RSRC1: variants seen among roughly 807,000 people sequenced by gnomAD.
The protein encoded by RSRC1 is serine/Arginine-related protein 53.
Under a neutral mutation model 49.1 loss-of-function variants are expected in RSRC1, and 39 were observed. The observed-to-expected ratio is 0.79, with a 90% CI of 0.61 to 1.04. RSRC1 has a LOEUF of 1.04. RSRC1 is among the 50% of genes least tolerant of loss of function. The pLI is 0.00. For synonymous variants in RSRC1, 143 were observed against 130.8 expected (o/e 1.09, Z -0.63); for missense variants, 388 against 402.4 (o/e 0.96, Z 0.31).
intron 4 of RSRC1, among the ~76,000 whole-genome samples, chr3:158,278,208 C>T (rs551660370): frequency 6.6e-6 from 1 of 152,338 alleles, no homozygotes; most frequent in Admixed American, 6.5e-5. Flanking sequence ...TCACTGTTGA[C>T]ACTTCTGATT....
intron 6 of RSRC1, among the ~76,000 whole-genome samples, chr3:158,388,724 C>T (rs4680432): frequency 0.22 from 33,181 of 151,860 alleles, 4,243 homozygotes; most frequent in Non-Finnish European, 0.29. Context: ...ATTCTCCTGC[C>T]GCAGCCTCCA....
chr3:158,412,527 T>G (rs193254864), intron 6 of RSRC1, among the ~76,000 whole-genome samples: 5 of 152,254 alleles, frequency 3.3e-5, no homozygotes, highest in Non-Finnish European at 5.9e-5. Flanking sequence ...CTTTTTATAT[T>G]TGTTTATGTT....
intron 6 of RSRC1, among the ~76,000 whole-genome samples, chr3:158,391,933 A>G (rs1026810901): frequency 6.6e-6 from 1 of 152,128 alleles, no homozygotes; most frequent in Admixed American, 6.6e-5. Context: ...AAGCACAGCT[A>G]GAGTGAAATA....
At chr3:158,127,104 C>T (rs1327063434) in intron 3 of RSRC1, among the ~76,000 whole-genome samples, 2 of 152,040 alleles carry the variant, frequency 1.3e-5, no homozygotes, top group African/African-American at 4.8e-5. Context: ...TCTATGTGGG[C>T]CTCTTTTACT....
intron 4 of RSRC1, among the ~76,000 whole-genome samples, chr3:158,270,545 A>T (rs2108053907): frequency 6.6e-6 from 1 of 152,356 alleles, no homozygotes; most frequent in African/African-American, 2.4e-5. Context: ...TGAGCATACC[A>T]TAATATGCTC....
intron 6 of RSRC1, among the ~76,000 whole-genome samples, chr3:158,362,772 T>A (rs534250293): frequency 6.6e-6 from 1 of 152,282 alleles, no homozygotes; most frequent in African/African-American, 2.4e-5. Flanking sequence ...TTATCTAGAT[T>A]TTCTGCAAAA....
chr3:158,420,583 C>T (rs1734985704), intron 6 of RSRC1, among the ~76,000 whole-genome samples: 2 of 151,888 alleles, frequency 1.3e-5, no homozygotes. Context: ...GAGAAATCAA[C>T]TAGATGGTCT....
At chr3:158,166,659 T>A (rs894633240) in intron 3 of RSRC1, among the ~76,000 whole-genome samples, 4 of 152,192 alleles carry the variant, frequency 2.6e-5, no homozygotes, top group Non-Finnish European at 5.9e-5. Flanking sequence ...GGCTTAAATG[T>A]GAATCAGGCA....
At chr3:158,189,690 T>C (rs1438392620) in intron 3 of RSRC1, among the ~76,000 whole-genome samples, 1 of 151,982 alleles carries the variant, frequency 6.6e-6, no homozygotes, top group East Asian at 1.9e-4. Flanking sequence ...TTGCCTTCAG[T>C]TGGACAATCT....
At position 158,124,087 on chromosome 3, in the gene RSRC1, TTTGA is replaced by T. The variant is rs1271330085; in HGVS notation, c.320+101_320+104del. On this transcript the variant is annotated intron_variant, in intron 3 of 9. Transcript: ENST00000611884. Reference sequence around the variant, plus strand: ...ATTTATTTTCTTATAATTATATAATTTTGATTGAGCTTAGCTGGCACTTATTTTT... The same window carrying T: ...ATTTATTTTCTTATAATTATATAATTTTGAGCTTAGCTGGCACTTATTTTT... 3.2e-6 allele frequency: 3 copies of T among 924,136 alleles called. No homozygotes were observed. In the East Asian group the frequency reaches 9.8e-5, roughly 30 times the overall value. The allele number at this position is 924,136 out of a possible 1,614,324, so 57.2% of individuals were successfully genotyped here. A position where few individuals can be genotyped will look rare whatever the true frequency, so the allele number is the denominator to read the frequency against.
rs577434311 is a variant in RSRC1 at position 158,468,019 on chromosome 3, T to C, written c.652+7016T>C. Among the ~76,000 whole-genome samples, 21 of 152,302 alleles carry C rather than the reference T, an allele frequency of 1.4e-4. No homozygotes were observed. The East Asian group carries it at 3.3e-3, about 24-fold the overall frequency. On this transcript the variant is annotated intron_variant, in intron 7 of 9. Transcript: ENST00000611884. ...CACAATCTTGGCTCACTGCAAGCTC[T>C]GCCTCCTGGGTTCATGCCATTCTCC...
chr3:158,243,300 T>C (rs1047257485), intron 4 of RSRC1, among the ~76,000 whole-genome samples: 1 of 152,198 alleles, frequency 6.6e-6, no homozygotes, highest in Non-Finnish European at 1.5e-5. Flanking sequence ...ATTTATTAAA[T>C]AGGGAATCCT....
intron 7 of RSRC1, among the ~76,000 whole-genome samples, chr3:158,489,981 G>A (rs1738998727): frequency 1.3e-5 from 2 of 152,176 alleles, no homozygotes; most frequent in Admixed American, 1.3e-4. Flanking sequence ...AAAACATAAA[G>A]GGAGTTATTG....
At chr3:158,264,071 C>T (rs1249017416) in intron 4 of RSRC1, among the ~76,000 whole-genome samples, 1 of 151,838 alleles carries the variant, frequency 6.6e-6, no homozygotes, top group Non-Finnish European at 1.5e-5. Context: ...TTTCTTTTTA[C>T]TGCTTACTTT....
chr3:158,157,181 G>T (rs1294393765), intron 3 of RSRC1, among the ~76,000 whole-genome samples: 1 of 152,138 alleles, frequency 6.6e-6, no homozygotes, highest in African/African-American at 2.4e-5. Flanking sequence ...CTGAAACTTT[G>T]TTAACATTGA....
chr3:158,399,628 TA>T, intron 6 of RSRC1, among the ~76,000 whole-genome samples: 1 of 152,328 alleles, frequency 6.6e-6, no homozygotes, highest in East Asian at 1.9e-4. Context: ...TTGTTCATAC[TA>T]GCCACATTTC....
At chr3:158,340,351 C>G (rs1730160756) in intron 5 of RSRC1, among the ~76,000 whole-genome samples, 1 of 151,918 alleles carries the variant, frequency 6.6e-6, no homozygotes, top group Non-Finnish European at 1.5e-5. Flanking sequence ...GACCAGCCTG[C>G]CCAATATGGT....
chr3:158,124,728 C>G (rs1715504641), intron 3 of RSRC1, among the ~76,000 whole-genome samples: 5 of 151,674 alleles, frequency 3.3e-5, no homozygotes, highest in Admixed American at 2.6e-4. Flanking sequence ...TTTTATAATC[C>G]TTTCAATGTT....
intron 7 of RSRC1, among the ~76,000 whole-genome samples, chr3:158,470,321 A>AACACACACACACACACACACAC (rs375305594): frequency 1.2e-4 from 17 of 136,840 alleles, no homozygotes; most frequent in Non-Finnish European, 1.6e-5. Context: ...TGCTCTTAGA[A>AACACACACACACACACACACAC]ACACACACAC....
Sources: allele counts gnomAD v4.1 joint callset (sites outside exome capture counted in the v4.1 genomes callset), GRCh38; gene constraint gnomAD v4.1.1; transcripts MANE v1.5; gene names NCBI Gene and HGNC (gene_info 2026-07-23, HGNC 2026-07-21).